The following KHDRBS2 variants were observed in gnomAD, a reference collection of about 807,000 sequenced individuals.
The protein encoded by KHDRBS2 is KH RNA binding domain containing, signal transduction associated 2, also known as KH domain-containing, RNA-binding, signal transduction-associated protein 2.
A neutral mutation model predicts 44.3 loss-of-function variants in KHDRBS2; 26 were observed. The observed-to-expected ratio is 0.59, with a 90% CI of 0.43 to 0.81. The LOEUF is 0.81. KHDRBS2 is among the 40% of genes least tolerant of loss of function. KHDRBS2 has a pLI of 0.00. For missense variants in KHDRBS2, 476 were observed against 433.1 expected, an observed-to-expected ratio of 1.10 and a Z score of -0.88; for synonymous variants, 194 against 151.1, an observed-to-expected ratio of 1.28 and a Z score of -2.08.
chr6:62,201,449 T>C (rs1826970670), intron 1 of KHDRBS2, among the ~76,000 whole-genome samples: 1 of 152,058 alleles, frequency 6.6e-6, no homozygotes, highest in African/African-American at 2.4e-5. Flanking sequence ...TCCAAAGTAT[T>C]TTATGACTGT....
intron 4 of KHDRBS2, among the ~76,000 whole-genome samples, chr6:61,939,215 TTTC>T (rs1175671319): frequency 2.0e-5 from 3 of 151,602 alleles, no homozygotes; most frequent in African/African-American, 7.3e-5. Flanking sequence ...TCACAGCTGT[TTTC>T]TTAAGGAAAT....
chr6:61,881,613 T>C, intron 6 of KHDRBS2, among the ~76,000 whole-genome samples: 1 of 151,986 alleles, frequency 6.6e-6, no homozygotes, highest in Admixed American at 6.6e-5. Context: ...GAGATTCTGG[T>C]GCAGTGCAAC....
chr6:61,914,159 C>A (rs187270121), intron 4 of KHDRBS2, among the ~76,000 whole-genome samples: 3 of 152,020 alleles, frequency 2.0e-5, no homozygotes, highest in Non-Finnish European at 4.4e-5. Flanking sequence ...TTAGGCACTG[C>A]AGTCATCTTT....
chr6:62,223,779 G>A (rs1281696772), intron 1 of KHDRBS2, among the ~76,000 whole-genome samples: 2 of 152,094 alleles, frequency 1.3e-5, no homozygotes, highest in Non-Finnish European at 2.9e-5. Flanking sequence ...GCTAAAACCT[G>A]AGAAGAGTCA....
intron 4 of KHDRBS2, among the ~76,000 whole-genome samples, chr6:61,928,927 T>A (rs772618051): frequency 2.0e-5 from 3 of 152,168 alleles, no homozygotes; most frequent in Non-Finnish European, 4.4e-5. Flanking sequence ...ATTGTTATCA[T>A]TATTTTTTAA....
At chr6:61,919,846 C>T (rs1437427755) in intron 4 of KHDRBS2, among the ~76,000 whole-genome samples, 1 of 151,784 alleles carries the variant, frequency 6.6e-6, no homozygotes, top group Non-Finnish European at 1.5e-5. Flanking sequence ...GATGTAATAT[C>T]TACTATTCTA....
At chr6:62,278,828 C>T (rs1357517423) in intron 1 of KHDRBS2, among the ~76,000 whole-genome samples, 1 of 152,170 alleles carries the variant, frequency 6.6e-6, no homozygotes, top group African/African-American at 2.4e-5. Context: ...GGCGTGGTGG[C>T]TCACGTCTGT....
chr6:61,742,933 G>A (rs1290415289), intron 6 of KHDRBS2, among the ~76,000 whole-genome samples: 1 of 151,968 alleles, frequency 6.6e-6, no homozygotes, highest in Non-Finnish European at 1.5e-5. Flanking sequence ...TATAAAGGCT[G>A]GAAATTGCAT....
At chr6:61,597,338 T>C in the KHDRBS2 span, among the ~76,000 whole-genome samples, 1 of 152,076 alleles carries the variant, frequency 6.6e-6, no homozygotes, top group East Asian at 2.0e-4. Context: ...TGTGTCTTAA[T>C]TGGATATGCA....
At chr6:62,261,226 G>A (rs1231320878) in intron 1 of KHDRBS2, among the ~76,000 whole-genome samples, 2 of 151,798 alleles carry the variant, frequency 1.3e-5, no homozygotes, top group Admixed American at 6.6e-5. Context: ...CAACTCATTA[G>A]GGCATAAATT....
At chr6:62,177,839 G>T (rs953393527) in intron 1 of KHDRBS2, among the ~76,000 whole-genome samples, 58 of 151,408 alleles carry the variant, frequency 3.8e-4, no homozygotes, top group African/African-American at 1.3e-3. Context: ...TCATATAAAT[G>T]ATTAAATCTA....
intron 1 of KHDRBS2, among the ~76,000 whole-genome samples, chr6:62,203,057 G>A (rs570689405): frequency 1.4e-4 from 22 of 152,216 alleles, no homozygotes; most frequent in Admixed American, 6.6e-4. Context: ...TACAATTATT[G>A]TTCAGTAAAA....
intron 2 of KHDRBS2, among the ~76,000 whole-genome samples, chr6:62,163,831 T>C (rs750204721): frequency 2.0e-5 from 3 of 151,938 alleles, no homozygotes; most frequent in South Asian, 4.1e-4. Context: ...GAAAAGAAAA[T>C]AGCAGTTCAT....
At chr6:61,878,157 C>T (rs556568585) in intron 6 of KHDRBS2, among the ~76,000 whole-genome samples, 1 of 151,838 alleles carries the variant, frequency 6.6e-6, no homozygotes, top group Non-Finnish European at 1.5e-5. Context: ...TCCAATGAGG[C>T]TTCCTCTCTG....
chr6:62,147,312 G>A (rs1319312667), intron 2 of KHDRBS2, among the ~76,000 whole-genome samples: 1 of 151,878 alleles, frequency 6.6e-6, no homozygotes, highest in Non-Finnish European at 1.5e-5. Flanking sequence ...GCTCTACTAA[G>A]CAGAAGAGCT....
At position 61,894,844 on chromosome 6, in the gene KHDRBS2, C is replaced by G. The variant is rs759569810; in HGVS notation, c.612-11G>C. 1.5e-5 allele frequency: 24 copies of G among 1,604,774 alleles called. No homozygotes were observed. In the South Asian group the frequency reaches 2.5e-4, roughly 17 times the overall value. On this transcript the variant is annotated splice_polypyrimidine_tract_variant and intron_variant, in intron 5 of 8. Coordinates refer to ENST00000281156, the MANE Select transcript of KHDRBS2 (RefSeq NM_152688.4). The stretch of plus-strand genomic sequence containing the variant: ...GCACCCCCACGGCCCCTAAGAGAAA[C>G]AAGTCATGTATAGATGAGAAACAGG...
chr6:61,843,943 A>G (rs1205500576), intron 6 of KHDRBS2, among the ~76,000 whole-genome samples: 4 of 151,996 alleles, frequency 2.6e-5, no homozygotes, highest in African/African-American at 9.7e-5. Flanking sequence ...ATTTTCTTTA[A>G]TATGCTTAAG....
chr6:61,963,551 GA>G (rs1175480797), intron 4 of KHDRBS2, among the ~76,000 whole-genome samples: 2 of 152,032 alleles, frequency 1.3e-5, no homozygotes, highest in Non-Finnish European at 2.9e-5. Flanking sequence ...TATGAAAGGG[GA>G]ACACTGAAGA....
At chr6:61,852,701 T>G (rs1378991250) in intron 6 of KHDRBS2, among the ~76,000 whole-genome samples, 1 of 152,216 alleles carries the variant, frequency 6.6e-6, no homozygotes, top group Non-Finnish European at 1.5e-5. Flanking sequence ...GCTATCTTTA[T>G]TTTTAAGAGA....
Sources: gnomAD v4.1 joint callset for allele counts (sites outside exome capture counted in the v4.1 genomes callset) on GRCh38, gnomAD v4.1.1 for gene constraint, MANE v1.5 for transcripts, NCBI Gene and HGNC (gene_info 2026-07-23, HGNC 2026-07-21) for gene names.